TJP1: variants seen among roughly 807,000 people sequenced by gnomAD.
TJP1 encodes the protein tight junction protein ZO-1.
TJP1 carries 43 observed loss-of-function variants against 194.2 expected under a neutral mutation model. That is an observed-to-expected ratio of 0.22 (90% CI 0.17 to 0.29). The LOEUF (loss-of-function observed/expected upper bound fraction) is 0.29. Among genes scored for constraint, TJP1 ranks in the 10% least tolerant of loss-of-function variants. The pLI is 1.00. For missense variants in TJP1, 1,971 were observed against 2,185.7 expected (o/e 0.90, Z 1.96); for synonymous variants, 801 against 779.0 (o/e 1.03, Z -0.47).
intron 2 of TJP1, among the ~76,000 whole-genome samples, chr15:29,950,030 T>A (rs1392980418): frequency 1.5e-3 from 20 of 13,542 alleles, no homozygotes; most frequent in Non-Finnish European, 2.1e-3. Flanking sequence ...CACCTCCACC[T>A]TCACCACCAC....
intron 2 of TJP1, among the ~76,000 whole-genome samples, chr15:29,782,933 T>C (rs1595879306): frequency 1.4e-5 from 2 of 143,662 alleles, no homozygotes; most frequent in Non-Finnish European, 3.0e-5. Context: ...AATAATCATA[T>C]GAAAAAATGC....
chr15:29,718,449 C>T lies in TJP1; in HGVS notation c.3693G>A (p.Gln1231=), dbSNP rs755425369. Residue 1231 remains glutamine (Q), a synonymous_variant, in exon 21 of 28, where the codon CAG becomes CAA. Transcript: ENST00000614355. ...TTGAAGGCAGAGCTTCTGGCTTATG[C>T]TGAGATGAAGGTATCAGCGGAGGGA... is the stretch of plus-strand genomic sequence containing the variant. ...AAVPPLIPSS[Q]HKPEALPSNT... is the part of the protein sequence containing the mutation. The T allele has an allele frequency of 1.4e-5, 23 of 1,614,142 alleles. No homozygotes were observed. The highest frequency in any genetic ancestry group is 1.9e-5 in the Non-Finnish European group (22 of 1,180,028).
chr15:29,879,089 A>C (rs934910894), intron 2 of TJP1, among the ~76,000 whole-genome samples: 20 of 152,120 alleles, frequency 1.3e-4, no homozygotes, highest in African/African-American at 4.8e-4. Flanking sequence ...GTGCCACCGC[A>C]CTCCAGCCTG....
At chr15:29,735,314 C>T (rs1302636398) in intron 11 of TJP1, among the ~76,000 whole-genome samples, 1 of 151,672 alleles carries the variant, frequency 6.6e-6, no homozygotes, top group African/African-American at 2.4e-5. Context: ...TTTAGCCAGG[C>T]GCAGTGACTC....
chr15:29,894,679 A>G (rs969756718), intron 2 of TJP1, among the ~76,000 whole-genome samples: 6 of 152,104 alleles, frequency 3.9e-5, no homozygotes, highest in Non-Finnish European at 8.8e-5. Context: ...CAGTGGCTCT[A>G]CTGGTCTGGA....
intron 26 of TJP1, among the ~76,000 whole-genome samples, chr15:29,704,632 G>A (rs1266922485): frequency 6.6e-6 from 1 of 152,194 alleles, no homozygotes; most frequent in Non-Finnish European, 1.5e-5. Flanking sequence ...CACATTTCCA[G>A]CATCTTTCAA....
intron 23 of TJP1, among the ~76,000 whole-genome samples, chr15:29,711,750 A>G (rs1007799020): frequency 1.3e-5 from 2 of 152,328 alleles, no homozygotes; most frequent in Middle Eastern, 3.4e-3. Flanking sequence ...GGGGTTGGCA[A>G]ACTTTTTCAC....
chr15:29,926,074 C>G (rs187292327), intron 2 of TJP1, among the ~76,000 whole-genome samples: 14 of 152,238 alleles, frequency 9.2e-5, no homozygotes, highest in East Asian at 3.9e-4. Context: ...CACACTCCCC[C>G]CAGTGGAATA....
At chr15:29,839,692 A>C (rs538886068) in intron 2 of TJP1, among the ~76,000 whole-genome samples, 12 of 152,348 alleles carry the variant, frequency 7.9e-5, no homozygotes, top group Non-Finnish European at 1.6e-4. Context: ...AAAACCGTGA[A>C]ACTGTTATGA....
At chr15:29,837,404 C>T (rs2051071268) in intron 2 of TJP1, among the ~76,000 whole-genome samples, 1 of 152,058 alleles carries the variant, frequency 6.6e-6, no homozygotes, top group African/African-American at 2.4e-5. Flanking sequence ...ACTAAAAATA[C>T]AAAATTAGCT....
At chr15:29,923,027 G>T (rs1215029600) in intron 2 of TJP1, among the ~76,000 whole-genome samples, 1 of 152,094 alleles carries the variant, frequency 6.6e-6, no homozygotes, top group Non-Finnish European at 1.5e-5. Flanking sequence ...TTTTCACACT[G>T]CAAATCACCA....
chr15:29,845,018 A>C (rs2051357849), intron 2 of TJP1, among the ~76,000 whole-genome samples: 1 of 152,180 alleles, frequency 6.6e-6, no homozygotes, highest in African/African-American at 2.4e-5. Context: ...AACATGTTTG[A>C]AAAAGGAACT....
At chr15:29,708,438 C>G in intron 25 of TJP1, 121 bp downstream of exon 25, 2 of 807,668 alleles carry the variant, frequency 2.5e-6, no homozygotes, top group Non-Finnish European at 4.0e-6. Context: ...TGCAACAACA[C>G]TCTTCAGTTT....
chr15:29,894,452 C>G (rs1171812812), intron 2 of TJP1, among the ~76,000 whole-genome samples: 2 of 152,188 alleles, frequency 1.3e-5, no homozygotes, highest in Non-Finnish European at 2.9e-5. Context: ...GAGCAAGATT[C>G]TGTCTCAAAA....
Position 29,704,201 on chromosome 15 carries a change from C to T in TJP1, c.5173G>A (p.Gly1725Ser), listed in dbSNP as rs751476589. Residue 1725 changes from glycine to serine, a missense_variant, in exon 27 of 28, where the codon GGT (glycine) becomes AGT (serine). This residue lies in a region of TJP1 where 1,108 missense variants were observed against 1,128.5 expected (regional missense o/e 0.98). Coordinates refer to ENST00000614355, the MANE Select transcript of TJP1 (RefSeq NM_001330239.4). Reference sequence around the variant, plus strand: ...GATGATTTTAGAGCAAAAGACCAACCGTCAGGAGTCATGGACGCACAGTGT... The same window carrying T: ...GATGATTTTAGAGCAAAAGACCAACTGTCAGGAGTCATGGACGCACAGTGT... ...LPHCASMTPD[G>S]WSFALKSSDS... 7.0e-6 allele frequency: 11 copies of T among 1,579,062 alleles called. No individual in the cohort carries two copies. The highest frequency in any genetic ancestry group is 1.7e-4 in the Middle Eastern group (1 of 6,038).
chr15:29,751,415 T>C (rs994139773), intron 8 of TJP1, among the ~76,000 whole-genome samples: 3 of 152,366 alleles, frequency 2.0e-5, no homozygotes, highest in Admixed American at 1.3e-4. Context: ...TTTAGATGTA[T>C]GTGTTTGTGG....
rs752215785 is a variant in TJP1, at chr15:29,718,785, A to G, written c.3357T>C (p.His1119=). The G allele has an allele frequency of 2.5e-6, 4 of 1,614,110 alleles. No homozygotes were observed. In the East Asian group the frequency reaches 8.9e-5, roughly 36 times the overall value. ...ACCCTCGTTCTGAGGACTCTTCGGG[A>G]TGCTGTCTGGAGTCAAGGTCTTGAG... is the stretch of plus-strand genomic sequence containing the variant. ...QHSQDLDSRQ[H]PEESSERGYF... Residue 1119 remains histidine, a synonymous_variant, in exon 21 of 28, where the codon CAT becomes CAC. Coordinates refer to ENST00000614355, the MANE Select transcript of TJP1 (RefSeq NM_001330239.4).
chr15:29,916,538 A>G (rs960953715), intron 2 of TJP1, among the ~76,000 whole-genome samples: 1 of 152,176 alleles, frequency 6.6e-6, no homozygotes, highest in Non-Finnish European at 1.5e-5. Flanking sequence ...ACTTCCTACA[A>G]TAGAAAGCCA....
intron 11 of TJP1, among the ~76,000 whole-genome samples, chr15:29,735,535 C>G (rs573678343): frequency 5.4e-5 from 8 of 148,958 alleles, no homozygotes; most frequent in African/African-American, 2.0e-4. Context: ...TGCAGTGAGC[C>G]GTGATCACAC....
Sources: allele counts gnomAD v4.1 joint callset (sites outside exome capture counted in the v4.1 genomes callset), GRCh38; gene constraint gnomAD v4.1.1; regional missense constraint gnomAD v4.1.1; transcripts MANE v1.5; gene names NCBI Gene and HGNC (gene_info 2026-07-23, HGNC 2026-07-21).